The following XKR9 variants were observed in gnomAD, a reference collection of about 807,000 sequenced individuals.
XKR9 encodes XK-related protein 9.
Under a neutral mutation model 32.0 loss-of-function variants are expected in XKR9, and 32 were observed. The ratio of observed to expected loss-of-function variants is 1.00; its 90% CI spans 0.76 to 1.34. XKR9 has a LOEUF of 1.34. XKR9 is among the 40% of genes most tolerant of loss of function. The pLI, the probability that XKR9 is intolerant of heterozygous loss-of-function variation, is 0.00. For missense variants in XKR9, 546 were observed against 429.7 expected (o/e 1.27, Z -2.39); for synonymous variants, 168 against 143.4 (o/e 1.17, Z -1.22).
At position 70,681,288 on chromosome 8, in the gene XKR9, GT is replaced by G; in HGVS notation, c.234del (p.Leu79PhefsTer18). 6.2e-7 allele frequency: 1 copy of G among 1,613,166 alleles called. No individual in the cohort carries two copies. On this transcript the variant is annotated frameshift_variant, in exon 3 of 5. Coordinates refer to ENST00000408926, the MANE Select transcript of XKR9 (RefSeq NM_001011720.2). LOFTEE classifies it high-confidence loss of function. The stretch of plus-strand genomic sequence containing the variant: ...AAAGCAGGCCAAGAAAGTCAGCATT[GT>G]TTTCTTCTACTTCATTGCTTGCAAG... ...LKKAGQESQH[C>X]FLLLHCLQGG...
chr8:70,687,305 C>CTCCT (rs1449023530), intron 3 of XKR9, among the ~76,000 whole-genome samples: 23 of 105,314 alleles, frequency 2.2e-4, no homozygotes, highest in South Asian at 1.6e-3. Context: ...ATTTCTTTCT[C>CTCCT]TCCTCCCTCT....
At chr8:70,997,645 C>A in the XKR9 span, among the ~76,000 whole-genome samples, 1 of 152,062 alleles carries the variant, frequency 6.6e-6, no homozygotes, top group Non-Finnish European at 1.5e-5. Flanking sequence ...GGATAGAAGG[C>A]TACACACTGG....
chr8:70,920,378 A>C, the XKR9 span, among the ~76,000 whole-genome samples: 1 of 152,166 alleles, frequency 6.6e-6, no homozygotes, highest in African/African-American at 2.4e-5. Context: ...CCTCCTTACA[A>C]AGCATATTTA....
the XKR9 span, among the ~76,000 whole-genome samples, chr8:70,844,611 C>A: frequency 1.3e-5 from 2 of 152,210 alleles, no homozygotes; most frequent in Non-Finnish European, 2.9e-5. Context: ...GGCCTGCTCA[C>A]CCCTACTTCT....
At chr8:70,978,514 G>A in the XKR9 span, among the ~76,000 whole-genome samples, 4 of 152,266 alleles carry the variant, frequency 2.6e-5, no homozygotes, top group South Asian at 2.1e-4. Flanking sequence ...GGCAGGATAC[G>A]AAATTCTGGG....
At chr8:70,953,726 T>G in the XKR9 span, among the ~76,000 whole-genome samples, 1 of 152,204 alleles carries the variant, frequency 6.6e-6, no homozygotes, top group Non-Finnish European at 1.5e-5. Context: ...CTACCTCTTC[T>G]TCAACTCTTC....
chr8:70,810,539 A>T, the XKR9 span, among the ~76,000 whole-genome samples: 1 of 152,202 alleles, frequency 6.6e-6, no homozygotes. Context: ...CTGTATTCAG[A>T]AACCCATCTC....
chr8:71,021,553 G>A, the XKR9 span, among the ~76,000 whole-genome samples: 61,277 of 143,484 alleles, frequency 0.43, 14,171 homozygotes, highest in Non-Finnish European at 0.52. Flanking sequence ...CCCAGGCTGG[G>A]GTGCAGTGGC....
At chr8:70,705,864 A>G (rs1269366868) in intron 3 of XKR9, among the ~76,000 whole-genome samples, 1 of 152,120 alleles carries the variant, frequency 6.6e-6, no homozygotes, top group East Asian at 1.9e-4. Context: ...CAGGCCAGAG[A>G]GTTGGCTGCT....
downstream of XKR9, among the ~76,000 whole-genome samples, chr8:70,738,950 A>C (rs564153833): frequency 6.6e-6 from 1 of 152,132 alleles, no homozygotes; most frequent in Non-Finnish European, 1.5e-5. Flanking sequence ...TATTCTGTTG[A>C]TTTGGGGTGG....
At chr8:70,883,459 T>A in the XKR9 span, among the ~76,000 whole-genome samples, 1 of 152,118 alleles carries the variant, frequency 6.6e-6, no homozygotes, top group Non-Finnish European at 1.5e-5. Flanking sequence ...TGTGTCTTCT[T>A]CATATAATGA....
chr8:70,952,006 C>T, the XKR9 span, among the ~76,000 whole-genome samples: 1 of 151,852 alleles, frequency 6.6e-6, no homozygotes, highest in Non-Finnish European at 1.5e-5. Flanking sequence ...AAGAGCTAGA[C>T]TTTCATGTCA....
rs1400994950 is a variant in XKR9, at chr8:70,735,695, T to C, written c.*1271T>C. 1.4e-5 allele frequency: 2 copies of C among 145,266 alleles called. No homozygotes were observed. Among genetic ancestry groups the C allele is most frequent in the Non-Finnish European group, 3.0e-5 (2 of 66,902 alleles). 9.0% of individuals were successfully genotyped at this position (145,266 alleles called of 1,614,324 possible). ...GTTCTCATTGTTCAGTTCCCACCTATGAGTGAGAATATGCAGTGTTTGGTT... is the reference window on the plus strand; with the variant it reads ...GTTCTCATTGTTCAGTTCCCACCTACGAGTGAGAATATGCAGTGTTTGGTT... On this transcript the variant is annotated 3_prime_UTR_variant, in exon 5 of 5. Coordinates refer to ENST00000408926, the MANE Select transcript of XKR9 (RefSeq NM_001011720.2).
At chr8:70,950,532 T>A in the XKR9 span, among the ~76,000 whole-genome samples, 6 of 152,062 alleles carry the variant, frequency 3.9e-5, no homozygotes, top group Admixed American at 3.9e-4. Flanking sequence ...AACAGAGCCA[T>A]GGGCAGGTGA....
At chr8:70,820,437 C>T in the XKR9 span, among the ~76,000 whole-genome samples, 2 of 152,288 alleles carry the variant, frequency 1.3e-5, no homozygotes, top group South Asian at 2.1e-4. Flanking sequence ...GGGATGCTTA[C>T]AGTCATGTTG....
the XKR9 span, among the ~76,000 whole-genome samples, chr8:70,877,129 A>G: frequency 6.6e-6 from 1 of 152,128 alleles, no homozygotes; most frequent in African/African-American, 2.4e-5. Context: ...GGTGGCAAGG[A>G]GAGAGAATGA....
At chr8:70,971,467 T>C in the XKR9 span, among the ~76,000 whole-genome samples, 1 of 152,198 alleles carries the variant, frequency 6.6e-6, no homozygotes, top group African/African-American at 2.4e-5. Flanking sequence ...TTCAGTTGAA[T>C]TAAGTTCCAT....
intron 2 of XKR9, among the ~76,000 whole-genome samples, chr8:70,788,402 C>G (rs1035293616): frequency 6.6e-6 from 1 of 152,026 alleles, no homozygotes; most frequent in African/African-American, 2.4e-5. Context: ...GTATGTCATA[C>G]AAGTATGGTT....
chr8:70,692,949 T>C (rs1285294039), intron 3 of XKR9, among the ~76,000 whole-genome samples: 1 of 152,208 alleles, frequency 6.6e-6, no homozygotes, highest in Non-Finnish European at 1.5e-5. Context: ...CATGAAAGAA[T>C]GTTCAGTTTT....
Sources: allele counts gnomAD v4.1 joint callset (sites outside exome capture counted in the v4.1 genomes callset), GRCh38; gene constraint gnomAD v4.1.1; transcripts MANE v1.5; gene names NCBI Gene and HGNC (gene_info 2026-07-23, HGNC 2026-07-21).